The following HCRTR2 variants were observed in gnomAD, a reference collection of about 807,000 sequenced individuals.
HCRTR2 encodes orexin receptor type 2.
In HCRTR2, 22 loss-of-function variants were observed where a neutral mutation model predicts 49.0. That is an observed-to-expected ratio of 0.45 (90% CI 0.32 to 0.64). The LOEUF is 0.64. Ranked by LOEUF, HCRTR2 falls within the 30% of genes least tolerant of loss-of-function variation. HCRTR2 has a pLI of 0.04. For synonymous variants in HCRTR2, 236 were observed against 205.3 expected, an observed-to-expected ratio of 1.15 and a Z score of -1.28; for missense variants, 491 against 559.4, an observed-to-expected ratio of 0.88 and a Z score of 1.23.
At position 55,282,307 on chromosome 6, in the gene HCRTR2, G is replaced by C. The variant is rs200713119; in HGVS notation, c.1188G>C (p.Arg396Ser). 660 of 1,613,792 alleles carry C rather than the reference G, an allele frequency of 4.1e-4. 15 individuals carry two copies. In the South Asian group the frequency reaches 6.9e-3, roughly 17 times the overall value. The change falls in exon 7 of 7, where the codon AGG (arginine) becomes AGC (serine). Residue 396 changes from arginine to serine, a missense_variant. Transcript: ENST00000370862. ...ATCGCCAGGAGGATCGGCTCACCAG[G>C]GGACGAACTAGCACAGAGAGCCGGA... Reference protein sequence around the residue: ...VHHRQEDRLTRGRTSTESRKS... With the variant: ...VHHRQEDRLTSGRTSTESRKS...
At chr6:55,218,719 T>C (rs1486403391) in intron 1 of HCRTR2, among the ~76,000 whole-genome samples, 1 of 152,224 alleles carries the variant, frequency 6.6e-6, no homozygotes, top group Non-Finnish European at 1.5e-5. Context: ...ATAACAATTT[T>C]AAACATATAT....
At chr6:55,160,937 T>C (rs1764797154) in intron 1 of HCRTR2, among the ~76,000 whole-genome samples, 1 of 151,988 alleles carries the variant, frequency 6.6e-6, no homozygotes, top group Non-Finnish European at 1.5e-5. Context: ...GACAGAAAAT[T>C]AACAAGTACA....
At chr6:55,129,660 C>T (rs985450626) in intron 1 of HCRTR2, among the ~76,000 whole-genome samples, 2 of 151,954 alleles carry the variant, frequency 1.3e-5, no homozygotes, top group African/African-American at 4.8e-5. Flanking sequence ...ATTATTCCTT[C>T]CACTAGCATC....
intron 1 of HCRTR2, among the ~76,000 whole-genome samples, chr6:55,178,541 T>G (rs1581810638): frequency 6.6e-6 from 1 of 152,204 alleles, no homozygotes; most frequent in Non-Finnish European, 1.5e-5. Context: ...ACATAGACAC[T>G]AATTAATGTC....
chr6:55,221,857 G>A (rs560835700), intron 1 of HCRTR2, among the ~76,000 whole-genome samples: 84 of 150,338 alleles, frequency 5.6e-4, no homozygotes, highest in African/African-American at 1.8e-3. Context: ...AACTCATAGA[G>A]AAAAACAGGA....
chr6:55,126,576 A>G (rs1177288597), intron 1 of HCRTR2, among the ~76,000 whole-genome samples: 5 of 152,080 alleles, frequency 3.3e-5, no homozygotes, highest in Non-Finnish European at 7.4e-5. Context: ...AGGGTTAAGG[A>G]CCCAGTTGAG....
chr6:55,133,787 T>G (rs1764395589), intron 1 of HCRTR2, among the ~76,000 whole-genome samples: 2 of 151,874 alleles, frequency 1.3e-5, no homozygotes, highest in African/African-American at 4.8e-5. Context: ...AATCTACTAC[T>G]TGGTTACCTT....
At chr6:55,142,369 T>G (rs1013460173) in intron 1 of HCRTR2, among the ~76,000 whole-genome samples, 1 of 150,282 alleles carries the variant, frequency 6.7e-6, no homozygotes, top group Admixed American at 6.6e-5. Flanking sequence ...GTTAATTTTT[T>G]TTTTTTTTTT....
At chr6:55,134,923 G>A (rs1041682820) in intron 1 of HCRTR2, among the ~76,000 whole-genome samples, 4 of 151,640 alleles carry the variant, frequency 2.6e-5, no homozygotes, top group East Asian at 1.9e-4. Context: ...CCATACTTTG[G>A]CAATTATTAA....
intron 1 of HCRTR2, among the ~76,000 whole-genome samples, chr6:55,238,179 A>G (rs1046959288): frequency 1.3e-5 from 2 of 152,264 alleles, no homozygotes; most frequent in East Asian, 1.9e-4. Context: ...ATTATCCTTT[A>G]TCCCCTAGCT....
intron 1 of HCRTR2, among the ~76,000 whole-genome samples, chr6:55,166,049 T>C (rs1178580943): frequency 6.6e-6 from 1 of 152,054 alleles, no homozygotes; most frequent in East Asian, 1.9e-4. Flanking sequence ...TGTTGCATTT[T>C]GTCAAATGCC....
intron 1 of HCRTR2, among the ~76,000 whole-genome samples, chr6:55,199,483 A>T (rs1765472458): frequency 6.6e-6 from 1 of 151,976 alleles, no homozygotes; most frequent in Non-Finnish European, 1.5e-5. Context: ...ATTATTTCAA[A>T]CTGCAAAGTT....
At chr6:55,210,089 T>G (rs1475492010) in intron 1 of HCRTR2, among the ~76,000 whole-genome samples, 1 of 152,152 alleles carries the variant, frequency 6.6e-6, no homozygotes, top group Non-Finnish European at 1.5e-5. Flanking sequence ...GCCTTTTTGT[T>G]TATCTTTTGG....
chr6:55,114,743 T>A (rs1764093936), intron 1 of HCRTR2, among the ~76,000 whole-genome samples: 1 of 151,818 alleles, frequency 6.6e-6, no homozygotes, highest in South Asian at 2.1e-4. Flanking sequence ...CATATTCCAA[T>A]AAATTAATGC....
chr6:55,230,504 CTGAAT>C, intron 1 of HCRTR2, among the ~76,000 whole-genome samples: 1 of 152,198 alleles, frequency 6.6e-6, no homozygotes, highest in Non-Finnish European at 1.5e-5. Context: ...ATTGTTTCCC[CTGAAT>C]TGAAGTAATA....
upstream of HCRTR2, among the ~76,000 whole-genome samples, chr6:55,170,572 C>T (rs181783237): frequency 2.4e-3 from 365 of 150,724 alleles, 2 homozygotes; most frequent in African/African-American, 7.9e-3. Flanking sequence ...CACATGTTTA[C>T]TTATTTATTT....
At chr6:55,170,704 G>C (rs1764936605), upstream of HCRTR2, among the ~76,000 whole-genome samples, 1 of 149,106 alleles carries the variant, frequency 6.7e-6, no homozygotes, top group Non-Finnish European at 1.5e-5. Flanking sequence ...ATTTACATTA[G>C]GTATATCTCC....
chr6:55,218,653 C>T (rs1765834199), intron 1 of HCRTR2, among the ~76,000 whole-genome samples: 1 of 151,846 alleles, frequency 6.6e-6, no homozygotes, highest in African/African-American at 2.4e-5. Context: ...ATAATTGTCA[C>T]AAGGAACAAA....
intron 1 of HCRTR2, among the ~76,000 whole-genome samples, chr6:55,200,060 A>C (rs1562004504): frequency 6.6e-6 from 1 of 152,160 alleles, no homozygotes; most frequent in African/African-American, 2.4e-5. Context: ...CATCCATCAG[A>C]TATCTCCACC....
Sources: allele counts gnomAD v4.1 joint callset (sites outside exome capture counted in the v4.1 genomes callset), GRCh38; gene constraint gnomAD v4.1.1; transcripts MANE v1.5; gene names NCBI Gene and HGNC (gene_info 2026-07-23, HGNC 2026-07-21).